The following SLC9C1 variants were observed in gnomAD, a reference collection of about 807,000 sequenced individuals.
SLC9C1 encodes solute carrier family 9 member C1, also known as sodium/hydrogen exchanger 10.
SLC9C1 carries 97 observed loss-of-function variants against 140.9 expected under a neutral mutation model. The ratio of observed to expected loss-of-function variants is 0.69; its 90% CI spans 0.58 to 0.82. SLC9C1 has a LOEUF of 0.82. SLC9C1 is among the 40% of genes least tolerant of loss of function. The pLI is 0.00. For synonymous variants in SLC9C1, 440 were observed against 442.6 expected (o/e 0.99, Z 0.07); for missense variants, 1,340 against 1,389.3 (o/e 0.96, Z 0.56).
intron 28 of SLC9C1, among the ~76,000 whole-genome samples, chr3:112,146,311 G>A (rs1363533598): frequency 6.6e-6 from 1 of 151,158 alleles, no homozygotes; most frequent in Non-Finnish European, 1.5e-5. Context: ...TCTTAATTTT[G>A]TTCAGTTCTT....
chr3:112,271,582 G>T (rs1030095784), intron 6 of SLC9C1, among the ~76,000 whole-genome samples: 13 of 151,926 alleles, frequency 8.6e-5, no homozygotes, highest in African/African-American at 3.1e-4. Flanking sequence ...TGTAAAATTT[G>T]GTCAGTTTAG....
intron 2 of SLC9C1, among the ~76,000 whole-genome samples, chr3:112,282,665 GAA>G (rs57666550): frequency 0.29 from 44,454 of 150,854 alleles, 7,070 homozygotes; most frequent in East Asian, 0.45. Context: ...AGTTAATAAT[GAA>G]AAAAAAAAAC....
At position 112,228,327 on chromosome 3, in the gene SLC9C1, TG is replaced by T. The variant is rs2078734394; in HGVS notation, c.1572+3033del. On this transcript the variant is annotated intron_variant, in intron 13 of 28. Transcript: ENST00000305815. ...GAACAGTCTCTTCAATAAATAGTGT[TG>T]GGATTAATAGTCATATGCAGATGAA... Among the ~76,000 whole-genome samples the T allele has an allele frequency of 2.6e-5, 4 of 152,130 alleles. No individual in the cohort carries two copies. The South Asian group carries it at 8.3e-4, about 31-fold the overall frequency.
chr3:112,251,533 C>T lies in SLC9C1; in HGVS notation c.1198-7457G>A, dbSNP rs541664169. Among the ~76,000 whole-genome samples the T allele has an allele frequency of 2.2e-4, 34 of 152,220 alleles. 1 individual carries two copies. The highest frequency in any genetic ancestry group is 1.2e-3 in the South Asian group (6 of 4,816). ...CAAAGTCAGAGATTAGACTCCTGAA[C>T]GTACTCTAGGAAAGGAGGTGATCCA... On this transcript the variant is annotated intron_variant, in intron 10 of 28. Transcript: ENST00000305815.
At chr3:112,145,589 C>CTTT (rs61547345) in intron 28 of SLC9C1, among the ~76,000 whole-genome samples, 1,166 of 27,994 alleles carry the variant, frequency 0.042, 109 homozygotes, top group East Asian at 0.054. Context: ...CTGCCCTTGG[C>CTTT]TTTTTTTTTT....
intron 2 of SLC9C1, among the ~76,000 whole-genome samples, chr3:112,283,085 T>C (rs1223583624): frequency 6.6e-6 from 1 of 152,210 alleles, no homozygotes; most frequent in Non-Finnish European, 1.5e-5. Flanking sequence ...CTGGCTGCTA[T>C]GGAAAAAGTT....
rs1273136831 is a variant in SLC9C1, at chr3:112,294,184, G to T, written c.-179C>A. On this transcript the variant is annotated 5_prime_UTR_variant, in exon 1 of 29. Coordinates refer to ENST00000305815, the MANE Select transcript of SLC9C1 (RefSeq NM_183061.3). ...CACAGCCAAACAGCCCAGACCAACT[G>T]CAACCTCACTGACAGTTACTTGCTC... 6.6e-6 allele frequency: 1 copy of T among 152,298 alleles called. No individual in the cohort carries two copies. The highest frequency in any genetic ancestry group is 6.5e-5 in the Admixed American group (1 of 15,276). The allele number at this position is 152,298 out of a possible 1,614,324, so 9.4% of individuals were successfully genotyped here.
chr3:112,197,361 C>T (rs926470554), intron 20 of SLC9C1, among the ~76,000 whole-genome samples: 1 of 152,114 alleles, frequency 6.6e-6, no homozygotes, highest in Non-Finnish European at 1.5e-5. Context: ...ACAATGGTTT[C>T]CACCTCTTTG....
chr3:112,263,637 T>G (rs192975421), intron 9 of SLC9C1, among the ~76,000 whole-genome samples: 91 of 151,972 alleles, frequency 6.0e-4, no homozygotes, highest in African/African-American at 2.1e-3. Context: ...TTCAACTAGA[T>G]GGAAGTAGAA....
chr3:112,195,413 C>T (rs2077748795), intron 20 of SLC9C1, among the ~76,000 whole-genome samples: 1 of 152,082 alleles, frequency 6.6e-6, no homozygotes. Context: ...CAATCTCTGT[C>T]TTTGATTAGA....
chr3:112,152,210 C>T (rs1012537084), intron 27 of SLC9C1, among the ~76,000 whole-genome samples: 10 of 152,040 alleles, frequency 6.6e-5, no homozygotes, highest in Non-Finnish European at 1.0e-4. Context: ...TCTACCATCT[C>T]GGAGAGGGGG....
intron 8 of SLC9C1, among the ~76,000 whole-genome samples, chr3:112,265,252 A>G (rs1576477990): frequency 2.0e-5 from 3 of 152,204 alleles, no homozygotes; most frequent in Non-Finnish European, 2.9e-5. Context: ...AAGAATAAAG[A>G]TAAGTAATAT....
chr3:112,217,863 G>A (rs1317521434), intron 14 of SLC9C1, among the ~76,000 whole-genome samples: 1 of 152,112 alleles, frequency 6.6e-6, no homozygotes, highest in African/African-American at 2.4e-5. Context: ...AGACATCTGG[G>A]TTTTCATGTT....
chr3:112,243,580 A>AC (rs1173469191), intron 11 of SLC9C1, among the ~76,000 whole-genome samples: 1 of 152,154 alleles, frequency 6.6e-6, no homozygotes, highest in Admixed American at 6.6e-5. Context: ...TGAGATCTGT[A>AC]CCTCAAACCT....
rs2077988134 is a variant in SLC9C1 at position 112,204,394 on chromosome 3, TTGC to T, written c.1993_1995del (p.Ala665del). On this transcript the variant is annotated inframe_deletion, in exon 17 of 29. Transcript: ENST00000305815. ...GCATGTGAAAAAAAGTCCTTCCTCA[TTGC>T]TGCTATCTGTTGATTTAAAAGGAAA... is the stretch of plus-strand genomic sequence containing the variant. The T allele has an allele frequency of 8.3e-6, 13 of 1,568,056 alleles. No homozygotes were observed. The highest frequency in any genetic ancestry group is 1.0e-5 in the Non-Finnish European group (12 of 1,164,856).
chr3:112,290,194 C>T (rs544020245), intron 1 of SLC9C1, among the ~76,000 whole-genome samples: 8 of 152,234 alleles, frequency 5.3e-5, no homozygotes, highest in East Asian at 1.9e-4. Context: ...ACAGGCTAGA[C>T]GAAATAAGGA....
rs143422991 is a variant in SLC9C1 at position 112,266,863 on chromosome 3, T to C, written c.776-523A>G. Reference sequence around the variant, plus strand: ...ACTTTGTATTCTTGTGTTATAACAGTTGTATTTTAATTACTGTAGACCTAT... The same window carrying C: ...ACTTTGTATTCTTGTGTTATAACAGCTGTATTTTAATTACTGTAGACCTAT... On this transcript the variant is annotated intron_variant, in intron 7 of 28. Transcript: ENST00000305815. Among the ~76,000 whole-genome samples the C allele has an allele frequency of 7.3e-4, 111 of 152,358 alleles. No homozygotes were observed. The East Asian group carries it at 0.013, about 18-fold the overall frequency.
At chr3:112,245,002 A>C (rs1259493687) in intron 10 of SLC9C1, among the ~76,000 whole-genome samples, 1 of 152,224 alleles carries the variant, frequency 6.6e-6, no homozygotes, top group Non-Finnish European at 1.5e-5. Context: ...TTGACAGTGT[A>C]TATCTACTCA....
intron 27 of SLC9C1, among the ~76,000 whole-genome samples, chr3:112,152,384 A>T (rs376981914): frequency 4.7e-4 from 71 of 152,288 alleles, no homozygotes; most frequent in African/African-American, 1.6e-3. Flanking sequence ...TGCAGTAAAG[A>T]GCAGTATTGC....
Sources: allele counts gnomAD v4.1 joint callset (sites outside exome capture counted in the v4.1 genomes callset), GRCh38; gene constraint gnomAD v4.1.1; transcripts MANE v1.5; gene names NCBI Gene and HGNC (gene_info 2026-07-23, HGNC 2026-07-21).